The following KCNB2 variants were observed in gnomAD, a reference collection of about 807,000 sequenced individuals.
KCNB2 encodes potassium voltage-gated channel subfamily B member 2.
Under a neutral mutation model 61.5 loss-of-function variants are expected in KCNB2, and 15 were observed. The ratio of observed to expected loss-of-function variants is 0.24; its 90% CI spans 0.16 to 0.38. The LOEUF is 0.38. Ranked by LOEUF, KCNB2 falls within the 10% of genes least tolerant of loss-of-function variation. The pLI is 1.00. For synonymous variants in KCNB2, 457 were observed against 446.0 expected, an observed-to-expected ratio of 1.02 and a Z score of -0.31; for missense variants, 828 against 1,125.2, an observed-to-expected ratio of 0.74 and a Z score of 3.78.
intron 2 of KCNB2, among the ~76,000 whole-genome samples, chr8:72,702,707 GTGGACT>G (rs1316168144): frequency 1.3e-5 from 2 of 152,160 alleles, no homozygotes; most frequent in African/African-American, 4.8e-5. Flanking sequence ...GAAAAAAATA[GTGGACT>G]TGAGCTGTTA....
chr8:72,854,971 C>T (rs1810183290), intron 2 of KCNB2, among the ~76,000 whole-genome samples: 1 of 152,208 alleles, frequency 6.6e-6, no homozygotes, highest in South Asian at 2.1e-4. Flanking sequence ...GTGTCTTCCA[C>T]ATCAAGCGAC....
At chr8:72,717,796 A>G (rs1469047775) in intron 2 of KCNB2, among the ~76,000 whole-genome samples, 1 of 152,228 alleles carries the variant, frequency 6.6e-6, no homozygotes, top group African/African-American at 2.4e-5. Flanking sequence ...TGGCAACAAA[A>G]GCCAAAATTG....
intron 2 of KCNB2, among the ~76,000 whole-genome samples, chr8:72,632,464 A>G (rs545896625): frequency 1.3e-5 from 2 of 152,206 alleles, no homozygotes; most frequent in Admixed American, 6.5e-5. Flanking sequence ...AGTCTGAAAA[A>G]CCTGAACTAT....
chr8:72,831,089 G>T (rs908503126), intron 2 of KCNB2, among the ~76,000 whole-genome samples: 1 of 152,188 alleles, frequency 6.6e-6, no homozygotes, highest in Non-Finnish European at 1.5e-5. Context: ...CAACTACTCA[G>T]ATTGGCCTTG....
intron 2 of KCNB2, among the ~76,000 whole-genome samples, chr8:72,653,631 G>T: frequency 6.6e-6 from 1 of 152,116 alleles, no homozygotes; most frequent in East Asian, 1.9e-4. Context: ...CTGACCTGCC[G>T]CTTGTTTCTA....
intron 2 of KCNB2, among the ~76,000 whole-genome samples, chr8:72,603,872 G>A (rs572965932): frequency 6.6e-6 from 1 of 152,240 alleles, no homozygotes; most frequent in East Asian, 1.9e-4. Flanking sequence ...TGAACTTGGA[G>A]GTAGAAATTG....
intron 2 of KCNB2, among the ~76,000 whole-genome samples, chr8:72,597,293 C>T (rs1010116155): frequency 1.3e-5 from 2 of 152,100 alleles, no homozygotes; most frequent in Non-Finnish European, 2.9e-5. Flanking sequence ...CTCGGCCTTC[C>T]AAAGTGCTGG....
At chr8:72,859,620 A>G (rs560149916) in intron 2 of KCNB2, among the ~76,000 whole-genome samples, 7 of 147,630 alleles carry the variant, frequency 4.7e-5, no homozygotes, top group African/African-American at 1.0e-4. Flanking sequence ...ACAGTACAGT[A>G]TATGGTCCTC....
chr8:72,695,070 G>T (rs77905593), intron 2 of KCNB2, among the ~76,000 whole-genome samples: 2,281 of 152,040 alleles, frequency 0.015, 46 homozygotes, highest in African/African-American at 0.053. Context: ...TCCCTTACCT[G>T]TAAAACAGGT....
At chr8:72,845,961 C>T (rs1281885257) in intron 2 of KCNB2, among the ~76,000 whole-genome samples, 5 of 149,096 alleles carry the variant, frequency 3.4e-5, no homozygotes, top group Admixed American at 6.8e-5. Flanking sequence ...TTCTGTCTTT[C>T]TGGCATTCCA....
chr8:72,770,776 G>A (rs1425550785), intron 2 of KCNB2, among the ~76,000 whole-genome samples: 1 of 152,214 alleles, frequency 6.6e-6, no homozygotes, highest in African/African-American at 2.4e-5. Context: ...GACAAAGAGA[G>A]TTTGTGTTTT....
At chr8:72,598,759 G>T (rs1807240300) in intron 2 of KCNB2, among the ~76,000 whole-genome samples, 1 of 152,142 alleles carries the variant, frequency 6.6e-6, no homozygotes, top group South Asian at 2.1e-4. Context: ...AAAGTCTTAA[G>T]ATACAAAATC....
chr8:72,713,101 C>G (rs1807353317), intron 2 of KCNB2, among the ~76,000 whole-genome samples: 1 of 152,218 alleles, frequency 6.6e-6, no homozygotes, highest in Non-Finnish European at 1.5e-5. Flanking sequence ...AAGGCGGCAG[C>G]AAGGCTGGGG....
intron 2 of KCNB2, among the ~76,000 whole-genome samples, chr8:72,746,060 G>A (rs1808059296): frequency 6.6e-6 from 1 of 152,180 alleles, no homozygotes; most frequent in Admixed American, 6.5e-5. Flanking sequence ...TACAATTTAG[G>A]TTGCTTGAGT....
intron 2 of KCNB2, among the ~76,000 whole-genome samples, chr8:72,699,138 G>T (rs571570195): frequency 8.1e-4 from 123 of 152,154 alleles, no homozygotes; most frequent in African/African-American, 2.9e-3. Context: ...AATCTATAAG[G>T]AACTTAAAGA....
chr8:72,685,408 T>C (rs1200081177), intron 2 of KCNB2, among the ~76,000 whole-genome samples: 1 of 152,166 alleles, frequency 6.6e-6, no homozygotes, highest in Non-Finnish European at 1.5e-5. Context: ...CGATATGCCA[T>C]GCCTTGTCCT....
intron 2 of KCNB2, among the ~76,000 whole-genome samples, chr8:72,574,066 T>C (rs1369635407): frequency 6.6e-6 from 1 of 152,220 alleles, no homozygotes; most frequent in East Asian, 1.9e-4. Context: ...TTTTCCTTTC[T>C]TAAAATGTAT....
At chr8:72,780,274 T>G (rs902700843) in intron 2 of KCNB2, among the ~76,000 whole-genome samples, 1 of 152,226 alleles carries the variant, frequency 6.6e-6, no homozygotes, top group Non-Finnish European at 1.5e-5. Flanking sequence ...GAATGTGATC[T>G]TGAAATCATT....
At chr8:72,538,745 C>T (rs1218916043) in intron 1 of KCNB2, among the ~76,000 whole-genome samples, 5 of 152,124 alleles carry the variant, frequency 3.3e-5, no homozygotes, top group Non-Finnish European at 7.4e-5. Context: ...TATCGTATCA[C>T]ATTTTCATTT....
Sources: allele counts gnomAD v4.1 joint callset (sites outside exome capture counted in the v4.1 genomes callset), GRCh38; gene constraint gnomAD v4.1.1; transcripts MANE v1.5; gene names NCBI Gene and HGNC (gene_info 2026-07-23, HGNC 2026-07-21).